The following LIPM variants were observed in gnomAD, a reference collection of about 807,000 sequenced individuals.
LIPM encodes the protein lipase member M.
In LIPM, 42 loss-of-function variants were observed where a neutral mutation model predicts 42.4. The observed-to-expected ratio is 0.99, with a 90% CI of 0.77 to 1.28. LIPM has a LOEUF of 1.28. Among genes scored for constraint, LIPM ranks in the 50% most tolerant of loss-of-function variants. The probability of loss-of-function intolerance (pLI) is 0.00; values close to 1 mark genes in which losing one functional copy is unlikely to be tolerated. For synonymous variants in LIPM, 177 were observed against 173.3 expected, an observed-to-expected ratio of 1.02 and a Z score of -0.17; for missense variants, 524 against 520.1, an observed-to-expected ratio of 1.01 and a Z score of -0.07.
intron 2 of LIPM, among the ~76,000 whole-genome samples, chr10:88,809,863 T>G (rs1305719346): frequency 6.6e-6 from 1 of 152,174 alleles, no homozygotes; most frequent in East Asian, 1.9e-4. Context: ...TGAACTTAAA[T>G]TTCTCCCTCT....
chr10:88,807,321 T>C (rs933309028), intron 1 of LIPM, among the ~76,000 whole-genome samples: 1 of 152,190 alleles, frequency 6.6e-6, no homozygotes, highest in Admixed American at 6.5e-5. Context: ...ACTCAAACAG[T>C]GGGACCCAGG....
At position 88,819,209 on chromosome 10, in the gene LIPM, T is replaced by C. The variant is rs186687550; in HGVS notation, c.1003-1023T>C. Reference sequence around the variant, plus strand: ...CCGGCCCTAAGATGGCTTTAATTTATCAACATTTAATGGACTGAGTTCTAG... The same window carrying C: ...CCGGCCCTAAGATGGCTTTAATTTACCAACATTTAATGGACTGAGTTCTAG... On this transcript the variant is annotated intron_variant, in intron 8 of 8. Coordinates refer to ENST00000404743, the MANE Select transcript of LIPM (RefSeq NM_001128215.1). Among the ~76,000 whole-genome samples the C allele has an allele frequency of 5.5e-3, 832 of 152,114 alleles. 7 individuals are homozygous for C. Among genetic ancestry groups the C allele is most frequent in the Non-Finnish European group, 6.1e-3 (412 of 67,994 alleles).
At position 88,813,315 on chromosome 10, in the gene LIPM, A is replaced by G; in HGVS notation, c.464+20A>G. 1 of 1,500,978 alleles carries G rather than the reference A, an allele frequency of 6.7e-7. No individual in the cohort carries two copies. The highest frequency in any genetic ancestry group is 8.9e-7 in the Non-Finnish European group (1 of 1,119,722). The allele number at this position is 1,500,978 out of a possible 1,614,324, so 93.0% of individuals were successfully genotyped here. On this transcript the variant is annotated intron_variant, in intron 3 of 8. Transcript: ENST00000404743. ...TTTCAGGTATATGATAATCTCGAGA[A>G]CAGAGGTAGACATGTCTGTCTTTCA...
chr10:88,804,334 C>T (rs566472142), intron 1 of LIPM, among the ~76,000 whole-genome samples: 3 of 152,284 alleles, frequency 2.0e-5, no homozygotes, highest in East Asian at 3.9e-4. Context: ...AGCACCTATA[C>T]ACTACTGGGG....
At chr10:88,817,197 A>G (rs1843728051) in intron 7 of LIPM, among the ~76,000 whole-genome samples, 1 of 152,210 alleles carries the variant, frequency 6.6e-6, no homozygotes, top group Non-Finnish European at 1.5e-5. Context: ...TTATGTTTCT[A>G]CATCTTCTCT....
chr10:88,810,938 A>G (rs1324402459), intron 2 of LIPM, among the ~76,000 whole-genome samples: 3 of 152,232 alleles, frequency 2.0e-5, no homozygotes, highest in South Asian at 2.1e-4. Flanking sequence ...CCTGAGAACT[A>G]AGAGGATGAA....
intron 2 of LIPM, among the ~76,000 whole-genome samples, chr10:88,809,109 C>T (rs1843623843): frequency 6.6e-6 from 1 of 151,942 alleles, no homozygotes; most frequent in Non-Finnish European, 1.5e-5. Flanking sequence ...CATACACCAC[C>T]ACACCTGGCT....
chr10:88,819,244 T>A (rs1397742330), intron 8 of LIPM, among the ~76,000 whole-genome samples: 1 of 152,048 alleles, frequency 6.6e-6, no homozygotes, highest in Non-Finnish European at 1.5e-5. Context: ...GAGAAATTGA[T>A]TCATGCAGAA....
At chr10:88,820,144 G>A (rs1196302072) in intron 8 of LIPM, 88 bp from the exon 9 acceptor site, 1 of 1,082,722 alleles carries the variant, frequency 9.2e-7, no homozygotes, top group East Asian at 2.6e-5. Flanking sequence ...ACAACAGATG[G>A]CATGTTTATT....
In LIPM at chr10:88,802,895, C is replaced by T; in HGVS notation, c.-2C>T. 6.5e-7 allele frequency: 1 copy of T among 1,537,424 alleles called. No individual in the cohort carries two copies. Among genetic ancestry groups the T allele is most frequent in the South Asian group, 1.2e-5 (1 of 81,124 alleles). On this transcript the variant is annotated 5_prime_UTR_variant, in exon 1 of 9. Coordinates refer to ENST00000404743, the MANE Select transcript of LIPM (RefSeq NM_001128215.1). ...GGAAAAAATAAATGCAGATGTTGGA[C>T]CATGTTGGAAACCTTGTCAAGACAG...
intron 2 of LIPM, among the ~76,000 whole-genome samples, chr10:88,812,862 A>G (rs1843670678): frequency 6.6e-6 from 1 of 152,272 alleles, no homozygotes; most frequent in Admixed American, 6.5e-5. Context: ...GCCGGGCAAC[A>G]TGCCATCCAT....
In LIPM at chr10:88,820,335, T is replaced by C; in HGVS notation, c.1106T>C (p.Leu369Pro). The C allele has an allele frequency of 6.4e-7, 1 of 1,552,276 alleles. No homozygotes were observed. The highest frequency in any genetic ancestry group is 1.2e-5 in the South Asian group (1 of 84,058). Residue 369 changes from leucine to proline, a missense_variant, in exon 9 of 9, where the codon CTC (leucine) becomes CCC (proline). Physicochemically the swap from Leu to Pro is moderately conservative, Grantham distance 98 (BLOSUM62 -3). Coordinates refer to ENST00000404743, the MANE Select transcript of LIPM (RefSeq NM_001128215.1). Reference sequence around the variant, plus strand: ...AATCCAGAAGACGTGAAAATGCTGCTCTCTGAGGTGACCAACCTCATCTAC... The same window carrying C: ...AATCCAGAAGACGTGAAAATGCTGCCCTCTGAGGTGACCAACCTCATCTAC... The part of the protein sequence containing the change: ...LSNPEDVKML[L>P]SEVTNLIYHK...
Position 88,820,530 on chromosome 10 carries a change from A to G in LIPM, c.*29A>G, listed in dbSNP as rs754495553. 8 of 1,538,742 alleles carry G rather than the reference A, an allele frequency of 5.2e-6. No homozygotes were observed. Among genetic ancestry groups the G allele is most frequent in the Non-Finnish European group, 6.1e-6 (7 of 1,142,146 alleles). The stretch of plus-strand genomic sequence containing the variant: ...ATCTGACACTGACGATCTTAGGACA[A>G]CCTCCTGAGGGATGGGGCTAGGACC... On this transcript the variant is annotated 3_prime_UTR_variant, in exon 9 of 9. Transcript: ENST00000404743.
intron 7 of LIPM, 108 bp downstream of exon 7, chr10:88,816,995 A>G: frequency 1.3e-5 from 11 of 828,804 alleles, no homozygotes; most frequent in Non-Finnish European, 2.2e-5. Flanking sequence ...CACTTATTCT[A>G]AGATGAAATG....
rs756151001 is a variant in LIPM at position 88,813,081 on chromosome 10, T to C, written c.266-16T>C. On this transcript the variant is annotated splice_polypyrimidine_tract_variant and intron_variant, in intron 2 of 8. Coordinates refer to ENST00000404743, the MANE Select transcript of LIPM (RefSeq NM_001128215.1). ...GAGAGAACATTTCATACAGTTGAAA[T>C]TTTCTCTTTTTGCAGGTTCCAGGCC... is the stretch of plus-strand genomic sequence containing the variant. 23 of 1,559,824 alleles carry C rather than the reference T, an allele frequency of 1.5e-5. No individual in the cohort carries two copies. The East Asian group carries it at 5.3e-4, about 36-fold the overall frequency.
rs1843543877 is a variant in LIPM, at chr10:88,802,840, C to T, written c.-57C>T. The T allele has an allele frequency of 6.1e-6, 9 of 1,479,712 alleles. No homozygotes were observed. The highest frequency in any genetic ancestry group is 8.1e-6 in the Non-Finnish European group (9 of 1,108,982). 91.7% of individuals were successfully genotyped at this position (1,479,712 alleles called of 1,614,324 possible). ...AGAGTTTTTAAACCCACAAATTCTT[C>T]TTACTTTAGAATTAGTTGTTACATT... is the stretch of plus-strand genomic sequence containing the variant. On this transcript the variant is annotated 5_prime_UTR_variant, in exon 1 of 9. Coordinates refer to ENST00000404743, the MANE Select transcript of LIPM (RefSeq NM_001128215.1).
In LIPM at chr10:88,816,674, C is replaced by T. The variant is rs965487058; in HGVS notation, c.859-142C>T. ...ATGACATTTTATTTACGTGCATGTA[C>T]ATATTTTTGTTTCATAGATAATTGC... On this transcript the variant is annotated intron_variant, in intron 6 of 8. Transcript: ENST00000404743. The T allele has an allele frequency of 1.6e-5, 10 of 609,412 alleles. No homozygotes were observed. In the South Asian group the frequency reaches 1.6e-4, roughly 10 times the overall value. 37.8% of individuals were successfully genotyped at this position (609,412 alleles called of 1,614,324 possible). A position where few individuals can be genotyped will look rare whatever the true frequency, so the allele number is the denominator to read the frequency against.
rs770530196 is a variant in LIPM at position 88,814,644 on chromosome 10, G to T, written c.574+5G>T. 19 of 1,548,856 alleles carry T rather than the reference G, an allele frequency of 1.2e-5. No individual in the cohort carries two copies. Among genetic ancestry groups the T allele is most frequent in the African/African-American group, 2.7e-5 (2 of 72,924 alleles). On this transcript the variant is annotated splice_donor_5th_base_variant and intron_variant, in intron 4 of 8. Transcript: ENST00000404743. ...ATTCACAGGGCACCACCATGGGTAG[G>T]TTCAAAGAAAAGCAGGTTTGTATAC...
At chr10:88,805,377 A>G (rs1360957977) in intron 1 of LIPM, among the ~76,000 whole-genome samples, 1 of 152,252 alleles carries the variant, frequency 6.6e-6, no homozygotes, top group Non-Finnish European at 1.5e-5. Flanking sequence ...AGCACATAGG[A>G]CAGCTGGAGC....
Sources: allele counts gnomAD v4.1 joint callset (sites outside exome capture counted in the v4.1 genomes callset), GRCh38; gene constraint gnomAD v4.1.1; transcripts MANE v1.5; gene names NCBI Gene and HGNC (gene_info 2026-07-23, HGNC 2026-07-21).